The following ATG2B variants were observed in gnomAD, a reference collection of about 807,000 sequenced individuals.
The protein encoded by ATG2B is autophagy-related protein 2 homolog B.
In ATG2B, 121 loss-of-function variants were observed where a neutral mutation model predicts 241.3. The ratio of observed to expected loss-of-function variants is 0.50; its 90% confidence interval spans 0.43 to 0.58. The LOEUF is 0.58. Among genes scored for constraint, ATG2B ranks in the 20% least tolerant of loss-of-function variants. ATG2B has a pLI of 0.00. For synonymous variants in ATG2B, 858 were observed against 876.6 expected (o/e 0.98, Z 0.37); for missense variants, 2,306 against 2,491.6 (o/e 0.93, Z 1.59).
chr14:96,311,705 T>C (rs981647190), intron 26 of ATG2B, 87 bp from the exon 27 acceptor site: 1 of 793,624 alleles, frequency 1.3e-6, no homozygotes, highest in Non-Finnish European at 2.1e-6. Context: ...TAGCATTCCT[T>C]TAAAATTCAT....
Position 96,281,546 on chromosome 14 carries a change from C to CA in ATG2B, c.*4208dup, listed in dbSNP as rs1334040039. On this transcript the variant is annotated 3_prime_UTR_variant, in exon 42 of 42. Transcript: ENST00000359933. ...CCTACCAAATTTCTCAATGAAAAAG[C>CA]AAATAGCCCTGGGTGACCAGCAAGT... 1 of 152,178 alleles carries CA rather than the reference C, an allele frequency of 6.6e-6. No individual in the cohort carries two copies. The highest frequency in any genetic ancestry group is 1.5e-5 in the Non-Finnish European group (1 of 68,030). The allele number at this position is 152,178 out of a possible 1,614,324, so 9.4% of individuals were successfully genotyped here.
chr14:96,285,590 A>C lies in ATG2B; in HGVS notation c.*165T>G. 6 of 644,370 alleles carry C rather than the reference A, an allele frequency of 9.3e-6. No homozygotes were observed. Among genetic ancestry groups the C allele is most frequent in the Non-Finnish European group, 1.3e-5 (5 of 372,530 alleles). 39.9% of individuals were successfully genotyped at this position (644,370 alleles called of 1,614,324 possible). A position where few individuals can be genotyped will look rare whatever the true frequency, so the allele number is the denominator to read the frequency against. Reference sequence around the variant, plus strand: ...GCAAGTATCAACTATAAATGTCAGAAGTTTTTGGTTGCATGTTGTTTTGAT... The same window carrying C: ...GCAAGTATCAACTATAAATGTCAGACGTTTTTGGTTGCATGTTGTTTTGAT... On this transcript the variant is annotated 3_prime_UTR_variant, in exon 42 of 42. Transcript: ENST00000359933. The surrounding 1 kb of genome is among the most constrained non-coding windows in gnomAD (Gnocchi z 4.2).
In ATG2B at chr14:96,313,070, A is replaced by G. The variant is rs1434285045; in HGVS notation, c.3837T>C (p.Thr1279=). The G allele has an allele frequency of 6.2e-7, 1 of 1,601,592 alleles. No homozygotes were observed. The highest frequency in any genetic ancestry group is 8.6e-7 in the Non-Finnish European group (1 of 1,168,966). The part of the protein sequence containing the change: ...SSVALDKSSS[T]LRIILDEAAL... ...AATGAAGTTTACACAGGTACCTGAGAGTAGAGGAAGATTTATCCAATGCAA... is the reference window on the plus strand; with the variant it reads ...AATGAAGTTTACACAGGTACCTGAGGGTAGAGGAAGATTTATCCAATGCAA... Residue 1279 remains threonine, a synonymous_variant, in exon 25 of 42, where the codon ACT becomes ACC. Coordinates refer to ENST00000359933, the MANE Select transcript of ATG2B (RefSeq NM_018036.7).
Position 96,315,562 on chromosome 14 carries a change from A to T in ATG2B, c.3383T>A (p.Leu1128His), listed in dbSNP as rs367690612. 8 of 1,613,908 alleles carry T rather than the reference A, an allele frequency of 5.0e-6. No individual in the cohort carries two copies. Among genetic ancestry groups the T allele is most frequent in the Non-Finnish European group, 6.8e-6 (8 of 1,179,906 alleles). Reference sequence around the variant, plus strand: ...GCTGGGAAGTCGTGTTTCTGTCGGGAGAATCACTCCATTCACTATGCCTAG... The same window carrying T: ...GCTGGGAAGTCGTGTTTCTGTCGGGTGAATCACTCCATTCACTATGCCTAG... ...YHKGIVNGVILPTETRLPSST... is the reference protein window; with the variant it reads ...YHKGIVNGVIHPTETRLPSST... The change falls in exon 22 of 42, where the codon CTC (leucine) becomes CAC (histidine). Residue 1128 changes from leucine to histidine, a missense_variant. Transcript: ENST00000359933.
rs528026367 is a variant in ATG2B, at chr14:96,290,125, T to C, written c.5856+311A>G. On this transcript the variant is annotated intron_variant, in intron 40 of 41. Coordinates refer to ENST00000359933, the MANE Select transcript of ATG2B (RefSeq NM_018036.7). The surrounding 1 kb of genome is among the most constrained non-coding windows in gnomAD (Gnocchi z 4.4). ...AATGATCTTTAATACTTCTGTTTAA[T>C]CTACAACGCCTTCTTCAAATTTAGC... 1 of 1,245,186 alleles carries C rather than the reference T, an allele frequency of 8.0e-7. No homozygotes were observed. The highest frequency in any genetic ancestry group is 1.0e-6 in the Non-Finnish European group (1 of 987,898). The allele number at this position is 1,245,186 out of a possible 1,614,324, so 77.1% of individuals were successfully genotyped here. A position where few individuals can be genotyped will look rare whatever the true frequency, so the allele number is the denominator to read the frequency against.
Position 96,312,092 on chromosome 14 carries a change from T to C in ATG2B, c.3910A>G (p.Arg1304Gly). Reference sequence around the variant, plus strand: ...CCATTTGTTTTTTAACTCTTACCTCTACTCAGATTTATAGTGACAGTATTG... The same window carrying C: ...CCATTTGTTTTTTAACTCTTACCTCCACTCAGATTTATAGTGACAGTATTG... Reference protein sequence around the residue: ...KCNTVTINLSRDYVRVMDMGL... With the variant: ...KCNTVTINLSGDYVRVMDMGL... Residue 1304 changes from arginine to glycine, a missense_variant, in exon 26 of 42, where the codon AGA becomes GGA. Coordinates refer to ENST00000359933, the MANE Select transcript of ATG2B (RefSeq NM_018036.7). The C allele has an allele frequency of 1.2e-6, 2 of 1,604,842 alleles. No individual in the cohort carries two copies. Among genetic ancestry groups the C allele is most frequent in the Middle Eastern group, 3.3e-4 (2 of 6,032 alleles).
intron 1 of ATG2B, among the ~76,000 whole-genome samples, chr14:96,347,624 C>A (rs1297838582): frequency 5.3e-5 from 8 of 152,128 alleles, no homozygotes; most frequent in Non-Finnish European, 7.4e-5. Flanking sequence ...GGAGCTCAAA[C>A]AACTCTACAG....
At chr14:96,325,256 A>G (rs537937754) in intron 15 of ATG2B, among the ~76,000 whole-genome samples, 2 of 152,264 alleles carry the variant, frequency 1.3e-5, no homozygotes, top group Non-Finnish European at 2.9e-5. Context: ...AAAAATAAAC[A>G]TATGGTGATT....
chr14:96,324,924 G>A (rs1265954004), intron 15 of ATG2B, among the ~76,000 whole-genome samples: 4 of 152,128 alleles, frequency 2.6e-5, no homozygotes, highest in Non-Finnish European at 5.9e-5. Context: ...TGGTTGCGGA[G>A]AGAGGGTGTC....
At position 96,333,697 on chromosome 14, in the gene ATG2B, A is replaced by G; in HGVS notation, c.1198T>C (p.Ser400Pro). The G allele has an allele frequency of 6.2e-7, 1 of 1,613,420 alleles. No homozygotes were observed. The highest frequency in any genetic ancestry group is 8.5e-7 in the Non-Finnish European group (1 of 1,179,656). The change falls in exon 8 of 42, where the codon TCT (serine) becomes CCT (proline). Residue 400 changes from serine (S) to proline (P), a missense_variant. By Grantham distance (74) the Ser-to-Pro change is moderately conservative (BLOSUM62 -1). Coordinates refer to ENST00000359933, the MANE Select transcript of ATG2B (RefSeq NM_018036.7). Reference protein sequence around the residue: ...FYETETARTPSSREEEVFFSM... With the variant: ...FYETETARTPPSREEEVFFSM... ...AGTTTGAGTTGCTTACCACGGCTAG[A>G]AGGTGTACGAGCTGTTTCTGTCTCA...
intron 29 of ATG2B, among the ~76,000 whole-genome samples, chr14:96,308,286 T>A (rs867053426): frequency 0.02 from 858 of 43,542 alleles, 48 homozygotes; most frequent in Non-Finnish European, 0.028. Flanking sequence ...ATATATATTT[T>A]TTTTTTTTTT....
chr14:96,308,241 T>TAA (rs1887023209), intron 29 of ATG2B, among the ~76,000 whole-genome samples: 2 of 14,934 alleles, frequency 1.3e-4, no homozygotes, highest in Admixed American at 7.7e-4. Flanking sequence ...CATATATATA[T>TAA]ATATATATAT....
At chr14:96,288,670 T>C (rs887046200) in intron 41 of ATG2B, among the ~76,000 whole-genome samples, 1 of 152,198 alleles carries the variant, frequency 6.6e-6, no homozygotes, top group African/African-American at 2.4e-5. Flanking sequence ...TGACTGTTGT[T>C]AGAATATGAC....
rs1289681706 is a variant in ATG2B at position 96,285,889 on chromosome 14, T to C, written c.6103A>G (p.Ile2035Val). The change falls in exon 42 of 42, where the codon ATT becomes GTT. Residue 2035 changes from isoleucine (I) to valine (V), a missense_variant. Physicochemically the swap from Ile to Val is conservative, Grantham distance 29. Around this residue, in one of 2 missense-constraint regions of ATG2B, gnomAD observed 379 missense variants for 480.4 expected, o/e 0.79. Transcript: ENST00000359933. This position sits in a 1 kb window ranked among gnomAD's most constrained non-coding sequence, Gnocchi z 4.2. The stretch of plus-strand genomic sequence containing the variant: ...AGAGGTTTCACCACTGCCGGAGGAA[T>C]CTGGCGCAGAACCTCGCCCACGGCA... Reference protein sequence around the residue: ...TGAVGEVLRQIPPAVVKPLIV... With the variant: ...TGAVGEVLRQVPPAVVKPLIV... The C allele has an allele frequency of 2.5e-6, 4 of 1,614,022 alleles. No homozygotes were observed. In the Admixed American group the frequency reaches 5.0e-5, roughly 20 times the overall value.
rs755797246 is a variant in ATG2B at position 96,316,598 on chromosome 14, T to C, written c.3296A>G (p.Tyr1099Cys). Residue 1099 changes from tyrosine to cysteine, a missense_variant, in exon 21 of 42, where the codon TAT (tyrosine) becomes TGT (cysteine). Physicochemically the swap from Tyr to Cys is radical, Grantham distance 194. Coordinates refer to ENST00000359933, the MANE Select transcript of ATG2B (RefSeq NM_018036.7). ...NSGSLFCVTKYEGFDDKHYIC... is the reference protein window; with the variant it reads ...NSGSLFCVTKCEGFDDKHYIC... Reference sequence around the variant, plus strand: ...GTAGTGCTTGTCATCAAAACCTTCATATTTTGTCACACAAAATAATGAACC... The same window carrying C: ...GTAGTGCTTGTCATCAAAACCTTCACATTTTGTCACACAAAATAATGAACC... 1 of 1,613,780 alleles carries C rather than the reference T, an allele frequency of 6.2e-7. No individual in the cohort carries two copies. Among genetic ancestry groups the C allele is most frequent in the Non-Finnish European group, 8.5e-7 (1 of 1,179,868 alleles).
At chr14:96,318,574 T>C (rs184324536) in intron 18 of ATG2B, among the ~76,000 whole-genome samples, 12 of 152,266 alleles carry the variant, frequency 7.9e-5, no homozygotes, top group Admixed American at 5.9e-4. Flanking sequence ...CTTCATGAGA[T>C]GAAGAATGCA....
In ATG2B at chr14:96,290,457, G is replaced by T. The variant is rs201940277; in HGVS notation, c.5835C>A (p.Asn1945Lys). 22 of 1,614,222 alleles carry T rather than the reference G, an allele frequency of 1.4e-5. No homozygotes were observed. In the Admixed American group the frequency reaches 2.5e-4, roughly 18 times the overall value. Residue 1945 changes from asparagine (N) to lysine (K), a missense_variant, in exon 40 of 42, where the codon AAC becomes AAA. Asn to Lys is a moderately conservative substitution (Grantham distance 94, BLOSUM62 0). Around this residue, in one of 2 missense-constraint regions of ATG2B, gnomAD observed 379 missense variants for 480.4 expected, o/e 0.79. Coordinates refer to ENST00000359933, the MANE Select transcript of ATG2B (RefSeq NM_018036.7). This position sits in a 1 kb window ranked among gnomAD's most constrained non-coding sequence, Gnocchi z 4.4. ...ATACCTGTATGGTTTGAACCATTCTGTTTGTGAGTTCTAGAGCAGCCATCG... is the reference window on the plus strand; with the variant it reads ...ATACCTGTATGGTTTGAACCATTCTTTTTGTGAGTTCTAGAGCAGCCATCG... Reference protein sequence around the residue: ...STAMAALELTNRMVQTIQAAA... With the variant: ...STAMAALELTKRMVQTIQAAA...
At chr14:96,292,283 C>T (rs1441287655) in intron 36 of ATG2B, among the ~76,000 whole-genome samples, 185 bp from the exon 37 acceptor site, 4 of 152,092 alleles carry the variant, frequency 2.6e-5, no homozygotes, top group African/African-American at 9.7e-5. Context: ...AACAATTAAA[C>T]AGATGTTAAT....
chr14:96,363,134 G>C lies in ATG2B; in HGVS notation c.-158C>G. 3 of 756,698 alleles carry C rather than the reference G, an allele frequency of 4.0e-6. No individual in the cohort carries two copies. The highest frequency in any genetic ancestry group is 6.4e-6 in the Non-Finnish European group (3 of 466,050). The allele number at this position is 756,698 out of a possible 1,614,324, so 46.9% of individuals were successfully genotyped here. A position where few individuals can be genotyped will look rare whatever the true frequency, so the allele number is the denominator to read the frequency against. On this transcript the variant is annotated 5_prime_UTR_variant, in exon 1 of 42. Transcript: ENST00000359933. ...AGTCCCTCAGGGAGACCCCATCGCC[G>C]GCGCCGCACCGCTCGCGCTGGGCCT...
Sources: gnomAD v4.1 joint callset for allele counts (sites outside exome capture counted in the v4.1 genomes callset) on GRCh38, gnomAD v4.1.1 for gene constraint, gnomAD v4.1.1 regional missense constraint, Gnocchi (gnomAD v3.1) non-coding constraint, MANE v1.5 for transcripts, NCBI Gene and HGNC (gene_info 2026-07-23, HGNC 2026-07-21) for gene names.